Variants in EXOC6B observed in about 807,000 individuals in gnomAD.
EXOC6B encodes the protein SEC15 homolog B.
Under a neutral mutation model 113.5 loss-of-function variants are expected in EXOC6B, and 54 were observed. The observed-to-expected ratio is 0.48, with a 90% CI of 0.38 to 0.60. The LOEUF (loss-of-function observed/expected upper bound fraction) is 0.60. Among genes scored for constraint, EXOC6B ranks in the 20% least tolerant of loss-of-function variants. The probability of loss-of-function intolerance (pLI) is 0.00; values close to 1 mark genes in which losing one functional copy is unlikely to be tolerated. For missense variants in EXOC6B, 797 were observed against 977.5 expected (o/e 0.82, Z 2.46); for synonymous variants, 357 against 339.0 (o/e 1.05, Z -0.58).
intron 18 of EXOC6B, among the ~76,000 whole-genome samples, chr2:72,460,805 C>T (rs1697589040): frequency 6.6e-6 from 1 of 151,790 alleles, no homozygotes; most frequent in African/African-American, 2.4e-5. Flanking sequence ...TGTGGTGATT[C>T]CTCAGGGATC....
intron 6 of EXOC6B, among the ~76,000 whole-genome samples, chr2:72,717,638 T>C (rs1399687720): frequency 6.6e-6 from 1 of 152,202 alleles, no homozygotes; most frequent in Non-Finnish European, 1.5e-5. Flanking sequence ...TCTTTGATCA[T>C]AATTCAAAGC....
chr2:72,788,281 G>A (rs966712953), intron 1 of EXOC6B, among the ~76,000 whole-genome samples: 1 of 152,148 alleles, frequency 6.6e-6, no homozygotes, highest in Non-Finnish European at 1.5e-5. Flanking sequence ...ATTAACTGTT[G>A]TTATTATTAA....
At chr2:72,276,061 G>A (rs533805163) in intron 20 of EXOC6B, among the ~76,000 whole-genome samples, 1 of 152,260 alleles carries the variant, frequency 6.6e-6, no homozygotes, top group South Asian at 2.1e-4. Flanking sequence ...TGGAGATAGA[G>A]GAGGGTGGAA....
chr2:72,623,112 T>G (rs1291482447), intron 6 of EXOC6B, among the ~76,000 whole-genome samples: 1 of 152,070 alleles, frequency 6.6e-6, no homozygotes, highest in Non-Finnish European at 1.5e-5. Flanking sequence ...AGCTATCACT[T>G]ATGTATAGCT....
intron 7 of EXOC6B, among the ~76,000 whole-genome samples, chr2:72,573,605 A>G (rs1221416451): frequency 2.6e-5 from 4 of 152,216 alleles, no homozygotes; most frequent in Non-Finnish European, 4.4e-5. Context: ...AACACTCAAA[A>G]GACTTTTCTT....
At chr2:72,631,461 TAG>T (rs372313608) in intron 6 of EXOC6B, among the ~76,000 whole-genome samples, 65 of 9,596 alleles carry the variant, frequency 6.8e-3, no homozygotes, top group Non-Finnish European at 0.012. Context: ...TATATATATA[TAG>T]AGAGAGAGAG....
At chr2:72,696,070 A>G (rs768807923) in intron 6 of EXOC6B, among the ~76,000 whole-genome samples, 37 of 152,250 alleles carry the variant, frequency 2.4e-4, no homozygotes, top group Non-Finnish European at 1.5e-4. Context: ...TGATTTTAAA[A>G]TAACAATGAT....
In EXOC6B at chr2:72,735,218, G is replaced by C. The variant is rs543081025; in HGVS notation, c.280-2100C>G. Among the ~76,000 whole-genome samples, 3 of 152,210 alleles carry C rather than the reference G, an allele frequency of 2.0e-5. No homozygotes were observed. In the South Asian group the frequency reaches 6.2e-4, roughly 32 times the overall value. On this transcript the variant is annotated intron_variant, in intron 2 of 21. Transcript: ENST00000272427. Reference sequence around the variant, plus strand: ...CTAAATTCAGCAACATTATCTACTAGAGTAGCCTTGTTTGCCTTATGAAGG... The same window carrying C: ...CTAAATTCAGCAACATTATCTACTACAGTAGCCTTGTTTGCCTTATGAAGG...
intron 19 of EXOC6B, among the ~76,000 whole-genome samples, chr2:72,379,290 T>C (rs1240956052): frequency 6.6e-6 from 1 of 152,228 alleles, no homozygotes; most frequent in East Asian, 1.9e-4. Flanking sequence ...TTTCTTATAA[T>C]AGAAAGCATT....
intron 5 of EXOC6B, among the ~76,000 whole-genome samples, chr2:72,730,217 G>T (rs1385870510): frequency 1.3e-5 from 2 of 152,118 alleles, no homozygotes; most frequent in Non-Finnish European, 2.9e-5. Context: ...TGGCAACTTG[G>T]CTGACCAGAG....
intron 1 of EXOC6B, among the ~76,000 whole-genome samples, chr2:72,813,276 C>T (rs1005015412): frequency 2.6e-5 from 4 of 151,732 alleles, no homozygotes; most frequent in Non-Finnish European, 5.9e-5. Flanking sequence ...TCTGTAGAGG[C>T]CAGAGTCTCA....
At chr2:72,212,331 G>A (rs573183531) in intron 20 of EXOC6B, among the ~76,000 whole-genome samples, 1 of 152,234 alleles carries the variant, frequency 6.6e-6, no homozygotes, top group East Asian at 1.9e-4. Context: ...TTTATGACTT[G>A]TAGAGATTTG....
chr2:72,241,922 C>T (rs1682332847), intron 20 of EXOC6B, among the ~76,000 whole-genome samples: 1 of 151,934 alleles, frequency 6.6e-6, no homozygotes, highest in African/African-American at 2.4e-5. Flanking sequence ...AAAGAAAGAG[C>T]CTGGCCAGGT....
chr2:72,281,863 C>T (rs755812438), intron 20 of EXOC6B, among the ~76,000 whole-genome samples: 4 of 152,090 alleles, frequency 2.6e-5, no homozygotes, highest in Non-Finnish European at 4.4e-5. Context: ...GACCACATCT[C>T]TAAAATAATA....
chr2:72,386,039 T>C (rs1299614013), intron 18 of EXOC6B, among the ~76,000 whole-genome samples: 2 of 152,118 alleles, frequency 1.3e-5, no homozygotes, highest in African/African-American at 4.8e-5. Flanking sequence ...GAAATCAGTA[T>C]GTCAAAAAGA....
intron 1 of EXOC6B, among the ~76,000 whole-genome samples, chr2:72,746,847 G>A (rs1229775872): frequency 6.6e-6 from 1 of 152,002 alleles, no homozygotes; most frequent in Non-Finnish European, 1.5e-5. Context: ...AGGAAAGCAA[G>A]CAGGTGGCAT....
intron 20 of EXOC6B, among the ~76,000 whole-genome samples, chr2:72,278,296 A>G (rs1324156143): frequency 3.3e-5 from 5 of 152,216 alleles, no homozygotes; most frequent in Non-Finnish European, 7.3e-5. Context: ...GACCTTCAAC[A>G]AGGTGACAAC....
chr2:72,785,634 T>C (rs1573794188), intron 1 of EXOC6B, among the ~76,000 whole-genome samples: 1 of 152,218 alleles, frequency 6.6e-6, no homozygotes, highest in African/African-American at 2.4e-5. Context: ...TTGGCCCCTT[T>C]CAACCACAAC....
chr2:72,225,599 T>C (rs1289855122), intron 20 of EXOC6B, among the ~76,000 whole-genome samples: 1 of 152,164 alleles, frequency 6.6e-6, no homozygotes, highest in Non-Finnish European at 1.5e-5. Flanking sequence ...GAATTAAGAC[T>C]TCTGTGTGAA....
Sources: gnomAD v4.1 joint callset for allele counts (sites outside exome capture counted in the v4.1 genomes callset) on GRCh38, gnomAD v4.1.1 for gene constraint, MANE v1.5 for transcripts, NCBI Gene and HGNC (gene_info 2026-07-23, HGNC 2026-07-21) for gene names.